CARMIL1: variants seen among roughly 807,000 people sequenced by gnomAD.
The protein encoded by CARMIL1 is F-actin-uncapping protein LRRC16A.
A neutral mutation model predicts 177.1 loss-of-function variants in CARMIL1; 90 were observed. That is an observed-to-expected ratio of 0.51 (90% CI 0.43 to 0.61). CARMIL1 has a LOEUF of 0.61. Among genes scored for constraint, CARMIL1 ranks in the 20% least tolerant of loss-of-function variants. CARMIL1 has a pLI of 0.00. For missense variants in CARMIL1, 1,380 were observed against 1,667.0 expected, an observed-to-expected ratio of 0.83 and a Z score of 3.00; for synonymous variants, 577 against 606.2, an observed-to-expected ratio of 0.95 and a Z score of 0.71.
chr6:25,402,962 C>T (rs934010119), intron 2 of CARMIL1, among the ~76,000 whole-genome samples: 1 of 152,082 alleles, frequency 6.6e-6, no homozygotes, highest in African/African-American at 2.4e-5. Context: ...GAAAGCACAA[C>T]TCCAGAAGAT....
At chr6:25,417,985 G>T (rs114352545) in intron 2 of CARMIL1, among the ~76,000 whole-genome samples, 5 of 151,362 alleles carry the variant, frequency 3.3e-5, no homozygotes, top group African/African-American at 1.2e-4. Context: ...AATCTGTACA[G>T]TTGCACAGGA....
chr6:25,482,217 A>G (rs546842023), intron 11 of CARMIL1, 40 bp from the exon 12 acceptor site: 10 of 1,016,784 alleles, frequency 9.8e-6, no homozygotes, highest in East Asian at 7.4e-5. Context: ...TGCAATTCTG[A>G]GAACTTGAAA....
intron 3 of CARMIL1, 45 bp from the exon 4 acceptor site, chr6:25,426,456 C>T: frequency 7.4e-7 from 1 of 1,356,170 alleles, no homozygotes; most frequent in Non-Finnish European, 1.0e-6. Flanking sequence ...TTTTTTAAAA[C>T]CCTCATTGCA....
chr6:25,593,616 C>A (rs1814533075), intron 31 of CARMIL1, among the ~76,000 whole-genome samples: 1 of 152,224 alleles, frequency 6.6e-6, no homozygotes, highest in South Asian at 2.1e-4. Flanking sequence ...AGCAGCAGAG[C>A]ACAGATACCC....
At chr6:25,283,628 C>T (rs1781311387) in intron 1 of CARMIL1, among the ~76,000 whole-genome samples, 1 of 152,150 alleles carries the variant, frequency 6.6e-6, no homozygotes, top group African/African-American at 2.4e-5. Context: ...TTGACCACTT[C>T]TTGGGGGTAT....
intron 28 of CARMIL1, among the ~76,000 whole-genome samples, chr6:25,555,651 C>A (rs1554223195): frequency 6.6e-6 from 1 of 152,178 alleles, no homozygotes; most frequent in Non-Finnish European, 1.5e-5. Context: ...CCTGCCTCAG[C>A]CTCCCAAAGT....
At chr6:25,458,690 G>A (rs1799748664) in intron 8 of CARMIL1, among the ~76,000 whole-genome samples, 1 of 152,110 alleles carries the variant, frequency 6.6e-6, no homozygotes, top group Non-Finnish European at 1.5e-5. Context: ...TGACAGCACA[G>A]TGGTTAAGAC....
chr6:25,444,347 A>G (rs766646089), intron 5 of CARMIL1, among the ~76,000 whole-genome samples: 7 of 151,632 alleles, frequency 4.6e-5, no homozygotes, highest in Non-Finnish European at 1.0e-4. Context: ...ACAATCTTTT[A>G]TTGTCATTTC....
intron 2 of CARMIL1, among the ~76,000 whole-genome samples, chr6:25,347,749 A>G (rs6456675): frequency 0.07 from 10,732 of 152,294 alleles, 889 homozygotes; most frequent in African/African-American, 0.19. Context: ...AATCAACAGT[A>G]ATACAATACT....
rs146274730 is a variant in CARMIL1, at chr6:25,385,762, A to T, written c.139-34352A>T. 1.1e-3 allele frequency among the ~76,000 whole-genome samples: 174 copies of T among 152,322 alleles called. 1 individual carries two copies. Among genetic ancestry groups the T allele is most frequent in the African/African-American group, 3.9e-3 (162 of 41,568 alleles). ...AATGGCCTCTTTCATGGTGCAAATT[A>T]GTAAGGCTTCACTTTCAGCTCTTGA... On this transcript the variant is annotated intron_variant, in intron 2 of 36. Transcript: ENST00000329474.
At chr6:25,433,526 C>T (rs1339416992) in intron 4 of CARMIL1, among the ~76,000 whole-genome samples, 1 of 152,160 alleles carries the variant, frequency 6.6e-6, no homozygotes, top group Non-Finnish European at 1.5e-5. Flanking sequence ...CTTAAAACAT[C>T]TTATAGACTA....
intron 22 of CARMIL1, among the ~76,000 whole-genome samples, chr6:25,517,620 C>T (rs1186387764): frequency 1.3e-5 from 2 of 152,126 alleles, no homozygotes; most frequent in Non-Finnish European, 2.9e-5. Flanking sequence ...GAAATGAGGG[C>T]ACAGATGCCT....
chr6:25,387,288 A>C (rs1319489209), intron 2 of CARMIL1, among the ~76,000 whole-genome samples: 1 of 152,220 alleles, frequency 6.6e-6, no homozygotes, highest in East Asian at 1.9e-4. Flanking sequence ...ACTTGTTATG[A>C]ACTGAGGAAC....
At chr6:25,565,243 CATTT>C (rs1811449286) in intron 29 of CARMIL1, among the ~76,000 whole-genome samples, 1 of 151,452 alleles carries the variant, frequency 6.6e-6, no homozygotes, top group Admixed American at 6.6e-5. Context: ...GTTTGTTTGT[CATTT>C]ATTTGTTTAT....
rs1437079699 is a variant in CARMIL1 at position 25,284,722 on chromosome 6, A to G, written c.41-90A>G. The G allele has an allele frequency of 1.4e-5, 10 of 725,762 alleles. No individual in the cohort carries two copies. The East Asian group carries it at 2.5e-4, about 18-fold the overall frequency. 45.0% of individuals were successfully genotyped at this position (725,762 alleles called of 1,614,324 possible). Reference sequence around the variant, plus strand: ...AGACTCTGTCTCAAAAGACAACAACAGTAAAAACAACCAAATATACTCCTC... The same window carrying G: ...AGACTCTGTCTCAAAAGACAACAACGGTAAAAACAACCAAATATACTCCTC... On this transcript the variant is annotated intron_variant, in intron 1 of 36. Coordinates refer to ENST00000329474, the MANE Select transcript of CARMIL1 (RefSeq NM_017640.6).
At chr6:25,584,195 G>A (rs556330218) in intron 31 of CARMIL1, among the ~76,000 whole-genome samples, 39 of 150,608 alleles carry the variant, frequency 2.6e-4, no homozygotes, top group African/African-American at 9.3e-4. Flanking sequence ...CACCATGCTT[G>A]GCTAATTATT....
At chr6:25,408,701 G>A (rs1794630066) in intron 2 of CARMIL1, among the ~76,000 whole-genome samples, 1 of 152,068 alleles carries the variant, frequency 6.6e-6, no homozygotes, top group Non-Finnish European at 1.5e-5. Flanking sequence ...ATTGGATGCT[G>A]TATTGTCCCC....
intron 26 of CARMIL1, among the ~76,000 whole-genome samples, chr6:25,545,366 G>C (rs997791275): frequency 2.6e-5 from 4 of 152,052 alleles, no homozygotes; most frequent in African/African-American, 4.8e-5. Flanking sequence ...AATGACAAAT[G>C]GTCCAGTTTT....
chr6:25,293,355 T>C (rs781331618), intron 2 of CARMIL1, among the ~76,000 whole-genome samples: 5 of 150,598 alleles, frequency 3.3e-5, no homozygotes, highest in South Asian at 4.2e-4. Context: ...TTCACTGGGT[T>C]ATTTTCCTCA....
Sources: gnomAD v4.1 joint callset for allele counts (sites outside exome capture counted in the v4.1 genomes callset) on GRCh38, gnomAD v4.1.1 for gene constraint, MANE v1.5 for transcripts, NCBI Gene and HGNC (gene_info 2026-07-23, HGNC 2026-07-21) for gene names.